MACROD2: variants seen among roughly 807,000 people sequenced by gnomAD.
MACROD2 encodes the protein mono-ADP ribosylhydrolase 2, also known as ADP-ribose glycohydrolase MACROD2.
MACROD2 carries 36 observed loss-of-function variants against 70.4 expected under a neutral mutation model. The observed-to-expected ratio is 0.51, with a 90% CI of 0.39 to 0.68. The LOEUF is 0.68. MACROD2 is among the 30% of genes least tolerant of loss of function. The pLI is 0.00. For synonymous variants in MACROD2, 172 were observed against 178.8 expected (o/e 0.96, Z 0.30); for missense variants, 496 against 538.4 (o/e 0.92, Z 0.78).
At chr20:15,803,143 C>A (rs2063740726) in intron 8 of MACROD2, among the ~76,000 whole-genome samples, 1 of 152,104 alleles carries the variant, frequency 6.6e-6, no homozygotes, top group Non-Finnish European at 1.5e-5. Context: ...GGAGGGAATT[C>A]TTCCTAACTC....
intron 3 of MACROD2, among the ~76,000 whole-genome samples, chr20:14,239,801 C>T (rs148055206): frequency 5.3e-5 from 8 of 152,184 alleles, no homozygotes; most frequent in East Asian, 1.9e-4. Context: ...ATGCCAAAAG[C>T]GGTTGCAATA....
chr20:14,368,277 G>A (rs78650883), intron 3 of MACROD2, among the ~76,000 whole-genome samples: 1,860 of 152,274 alleles, frequency 0.012, 20 homozygotes, highest in South Asian at 0.032. Context: ...TATAGGCCAC[G>A]CACAGTGGCT....
At chr20:15,884,402 G>A (rs1319929125) in intron 9 of MACROD2, among the ~76,000 whole-genome samples, 1 of 152,030 alleles carries the variant, frequency 6.6e-6, no homozygotes, top group Non-Finnish European at 1.5e-5. Context: ...GTGGGTGGTA[G>A]CATGCATGTA....
chr20:14,235,035 CTG>C (rs1569219900), intron 3 of MACROD2, among the ~76,000 whole-genome samples: 1 of 152,066 alleles, frequency 6.6e-6, no homozygotes, highest in African/African-American at 2.4e-5. Context: ...GAGGCCCACA[CTG>C]TTTCTGTCTA....
intron 3 of MACROD2, among the ~76,000 whole-genome samples, chr20:14,474,137 T>C (rs2084562277): frequency 6.6e-6 from 1 of 152,142 alleles, no homozygotes; most frequent in Non-Finnish European, 1.5e-5. Context: ...GTTCATTCTG[T>C]TGATTGTTTC....
At chr20:14,620,638 G>C (rs1214806373) in intron 4 of MACROD2, among the ~76,000 whole-genome samples, 1 of 151,922 alleles carries the variant, frequency 6.6e-6, no homozygotes, top group East Asian at 1.9e-4. Context: ...GTTAGTAAGA[G>C]GTCATATTTG....
chr20:16,013,086 A>G (rs2066884635), intron 15 of MACROD2, among the ~76,000 whole-genome samples: 1 of 152,190 alleles, frequency 6.6e-6, no homozygotes, highest in South Asian at 2.1e-4. Flanking sequence ...AGGCTGAGGC[A>G]AGAGAATCAC....
chr20:15,716,203 A>T (rs989322), intron 8 of MACROD2, among the ~76,000 whole-genome samples: 128,062 of 152,162 alleles, frequency 0.84, 54,265 homozygotes, highest in Middle Eastern at 0.9. Flanking sequence ...CGCTTAAAAA[A>T]TGCTTTCTGA....
At chr20:14,050,357 G>T (rs1049431973) in intron 2 of MACROD2, among the ~76,000 whole-genome samples, 9 of 152,284 alleles carry the variant, frequency 5.9e-5, no homozygotes, top group African/African-American at 1.9e-4. Flanking sequence ...CAAAAGTAAA[G>T]CCTTCCTTAT....
chr20:14,006,773 GA>G (rs1298180527), intron 2 of MACROD2, among the ~76,000 whole-genome samples: 1 of 151,798 alleles, frequency 6.6e-6, no homozygotes, highest in Non-Finnish European at 1.5e-5. Flanking sequence ...CTGTCCTGCA[GA>G]ATTTTTTATA....
chr20:15,906,374 C>T (rs994464791), intron 10 of MACROD2, among the ~76,000 whole-genome samples: 3 of 152,182 alleles, frequency 2.0e-5, no homozygotes, highest in Admixed American at 2.0e-4. Flanking sequence ...TTTGCAAGTA[C>T]AGTAAAAATA....
intron 2 of MACROD2, among the ~76,000 whole-genome samples, chr20:14,042,366 C>T (rs934025058): frequency 1.1e-4 from 16 of 152,128 alleles, no homozygotes; most frequent in African/African-American, 3.4e-4. Flanking sequence ...AAAACACACT[C>T]AAAGTGCTTT....
chr20:16,009,121 C>T (rs1458718312), intron 15 of MACROD2, among the ~76,000 whole-genome samples: 3 of 152,162 alleles, frequency 2.0e-5, no homozygotes, highest in Admixed American at 6.5e-5. Context: ...ATTGACAGGG[C>T]CATGCAAACA....
At chr20:14,675,911 TA>T (rs1427590417) in intron 4 of MACROD2, among the ~76,000 whole-genome samples, 1 of 152,052 alleles carries the variant, frequency 6.6e-6, no homozygotes, top group Non-Finnish European at 1.5e-5. Context: ...TAGTCTCTGA[TA>T]AAGCAGACTT....
intron 3 of MACROD2, among the ~76,000 whole-genome samples, chr20:14,283,691 G>A (rs1262045564): frequency 6.6e-6 from 1 of 151,958 alleles, no homozygotes; most frequent in Non-Finnish European, 1.5e-5. Flanking sequence ...GTAGAGATGG[G>A]GTTTCACCAT....
intron 8 of MACROD2, among the ~76,000 whole-genome samples, chr20:15,523,637 A>C (rs2047681273): frequency 1.3e-5 from 2 of 152,310 alleles, no homozygotes; most frequent in South Asian, 4.1e-4. Context: ...ATGAGTCACC[A>C]ATAACTGGTT....
Position 15,729,831 on chromosome 20 carries a change from C to CTTTTTTTTT in MACROD2, c.646-132907_646-132899dup, listed in dbSNP as rs61542762. 7.7e-3 allele frequency among the ~76,000 whole-genome samples: 501 copies of CTTTTTTTTT among 64,704 alleles called. 90 individuals are homozygous for CTTTTTTTTT. The highest frequency in any genetic ancestry group is 0.03 in the African/African-American group (479 of 15,936). 42.4% of individuals were successfully genotyped at this position (64,704 alleles called of 152,430 possible). A position where few individuals can be genotyped will look rare whatever the true frequency, so the allele number is the denominator to read the frequency against. ...GAACACAGCATGCAGTTGGGTCATGCTTTTTTTTTTTTTTTGGATGGAGTT... is the reference window on the plus strand; with the variant it reads ...GAACACAGCATGCAGTTGGGTCATGCTTTTTTTTTTTTTTTTTTTTTTTTGGATGGAGTT... On this transcript the variant is annotated intron_variant, in intron 8 of 17. Coordinates refer to ENST00000684519, the MANE Select transcript of MACROD2 (RefSeq NM_001351661.2).
chr20:16,045,564 T>C lies in MACROD2; in HGVS notation c.1300+925T>C, dbSNP rs114710700. On this transcript the variant is annotated intron_variant, in intron 17 of 17. Transcript: ENST00000684519. Reference sequence around the variant, plus strand: ...TTGAGATCAAGAGGTGACAGACATCTGGACTGCAGCAAGGGTTCAAGGGGG... The same window carrying C: ...TTGAGATCAAGAGGTGACAGACATCCGGACTGCAGCAAGGGTTCAAGGGGG... Among the ~76,000 whole-genome samples the C allele has an allele frequency of 6.0e-3, 909 of 152,190 alleles. 5 individuals carry two copies. The highest frequency in any genetic ancestry group is 0.021 in the African/African-American group (873 of 41,530).
intron 7 of MACROD2, among the ~76,000 whole-genome samples, chr20:15,444,210 A>G (rs1202005954): frequency 2.0e-5 from 3 of 152,166 alleles, no homozygotes; most frequent in Non-Finnish European, 2.9e-5. Flanking sequence ...AGCAAAATAT[A>G]TTCAAAGTTC....
Sources: gnomAD v4.1 joint callset for allele counts (sites outside exome capture counted in the v4.1 genomes callset) on GRCh38, gnomAD v4.1.1 for gene constraint, MANE v1.5 for transcripts, NCBI Gene and HGNC (gene_info 2026-07-23, HGNC 2026-07-21) for gene names.